TTYH3: variants seen among roughly 807,000 people sequenced by gnomAD.
The protein encoded by TTYH3 is tweety family member 3.
In TTYH3, 23 loss-of-function variants were observed where a neutral mutation model predicts 68.2. The ratio of observed to expected loss-of-function variants is 0.34; its 90% CI spans 0.24 to 0.48. The LOEUF is 0.48. Ranked by LOEUF, TTYH3 falls within the 20% of genes least tolerant of loss-of-function variation. The pLI is 0.99. For synonymous variants in TTYH3, 360 were observed against 332.8 expected, an observed-to-expected ratio of 1.08 and a Z score of -0.89; for missense variants, 768 against 727.7, an observed-to-expected ratio of 1.06 and a Z score of -0.64.
Position 2,639,115 on chromosome 7 carries a change from T to C in TTYH3, c.123+6837T>C, listed in dbSNP as rs183767804. On this transcript the variant is annotated intron_variant, in intron 1 of 13. Coordinates refer to ENST00000258796, the MANE Select transcript of TTYH3 (RefSeq NM_025250.3). The stretch of plus-strand genomic sequence containing the variant: ...CAGCCTCTCAGACACCCCCAAACCT[T>C]GTTGCTTCCTCTGGAGGAGGGGCCT... Among the ~76,000 whole-genome samples the C allele has an allele frequency of 2.6e-3, 398 of 152,188 alleles. 1 individual carries two copies. Among genetic ancestry groups the C allele is most frequent in the African/African-American group, 9.0e-3 (374 of 41,538 alleles).
chr7:2,656,037 C>A, intron 9 of TTYH3, 55 bp from the exon 10 acceptor site: 2 of 1,405,482 alleles, frequency 1.4e-6, no homozygotes, highest in South Asian at 1.3e-5. Context: ...GCGAGGCTGG[C>A]TCGAGGTCCC....
chr7:2,633,929 C>T (rs899711729), intron 1 of TTYH3, among the ~76,000 whole-genome samples: 4 of 152,204 alleles, frequency 2.6e-5, no homozygotes, highest in African/African-American at 9.7e-5. Flanking sequence ...CTGCAGCCCA[C>T]AAGAGCCTCC....
Position 2,647,983 on chromosome 7 carries a change from G to T in TTYH3, c.651G>T (p.Leu217=). ...GGTGGCTGGGCTACCTGGGCCTGCT[G>T]CTGCTGGACGTCATCATCTGCCTCC... ...WYRWLGYLGL[L]LLDVIICLLV... Residue 217 remains leucine (L), a synonymous_variant, in exon 5 of 14, where the codon CTG becomes CTT. Coordinates refer to ENST00000258796, the MANE Select transcript of TTYH3 (RefSeq NM_025250.3). 1 of 1,610,102 alleles carries T rather than the reference G, an allele frequency of 6.2e-7. No homozygotes were observed.
At chr7:2,643,371 A>AAT (rs978430070) in intron 1 of TTYH3, among the ~76,000 whole-genome samples, 5 of 151,670 alleles carry the variant, frequency 3.3e-5, no homozygotes, top group African/African-American at 1.2e-4. Flanking sequence ...AAAAAAAAAA[A>AAT]AATCGTAGAG....
At chr7:2,659,894 T>A (rs764420059) in intron 13 of TTYH3, 3 of 643,848 alleles carry the variant, frequency 4.7e-6, no homozygotes, top group African/African-American at 1.9e-5. Context: ...GGCCACACTC[T>A]CTCTCTCTCT....
Position 2,636,426 on chromosome 7 carries a change from G to T in TTYH3, c.123+4148G>T, listed in dbSNP as rs143566577. ...AGAGCTGTAGGGTGGGTGTCCCTGA[G>T]AACTGGAATCCTATTGCTTTTGACA... On this transcript the variant is annotated intron_variant, in intron 1 of 13. Transcript: ENST00000258796. 2.6e-5 allele frequency among the ~76,000 whole-genome samples: 4 copies of T among 152,174 alleles called. No individual in the cohort carries two copies. In the East Asian group the frequency reaches 7.7e-4, roughly 29 times the overall value.
At chr7:2,653,723 C>T (rs1431075342) in intron 9 of TTYH3, among the ~76,000 whole-genome samples, 5 of 152,158 alleles carry the variant, frequency 3.3e-5, no homozygotes, top group Non-Finnish European at 2.9e-5. Context: ...ATTAGCTGGG[C>T]GTGGTGGTAC....
At chr7:2,638,754 C>T (rs1785748397) in intron 1 of TTYH3, among the ~76,000 whole-genome samples, 1 of 152,234 alleles carries the variant, frequency 6.6e-6, no homozygotes, top group Non-Finnish European at 1.5e-5. Flanking sequence ...CGCTGGGAGC[C>T]TGGGCCGAGT....
intron 8 of TTYH3, among the ~76,000 whole-genome samples, chr7:2,652,565 C>T (rs762749981): frequency 8.5e-5 from 13 of 152,300 alleles, no homozygotes; most frequent in East Asian, 1.9e-4. Flanking sequence ...CGTGTTCAGG[C>T]GTCCTGGTGG....
rs777158501 is a variant in TTYH3 at position 2,647,399 on chromosome 7, G to T, written c.406-19G>T. 3 of 1,472,808 alleles carry T rather than the reference G, an allele frequency of 2.0e-6. No homozygotes were observed. The highest frequency in any genetic ancestry group is 2.7e-6 in the Non-Finnish European group (3 of 1,117,160). 91.2% of individuals were successfully genotyped at this position (1,472,808 alleles called of 1,614,324 possible). A position where few individuals can be genotyped will look rare whatever the true frequency, so the allele number is the denominator to read the frequency against. The stretch of plus-strand genomic sequence containing the variant: ...GAGGCGGGCGCGCTCCCAGCCTCAC[G>T]CCCGCGGGTCCGGCGCAGGTGTGGG... On this transcript the variant is annotated intron_variant, in intron 3 of 13. Coordinates refer to ENST00000258796, the MANE Select transcript of TTYH3 (RefSeq NM_025250.3).
intron 12 of TTYH3, among the ~76,000 whole-genome samples, 156 bp from the exon 13 acceptor site, chr7:2,658,784 C>T (rs1419309935): frequency 2.0e-5 from 3 of 152,166 alleles, no homozygotes; most frequent in African/African-American, 7.2e-5. Flanking sequence ...TGTGGGCCCT[C>T]TCTGAGCCCT....
chr7:2,636,277 AGT>A (rs1211926058), intron 1 of TTYH3, among the ~76,000 whole-genome samples: 3 of 152,318 alleles, frequency 2.0e-5, no homozygotes, highest in East Asian at 3.9e-4. Context: ...TTAAAACGGC[AGT>A]GTTGGTCGCC....
intron 4 of TTYH3, 131 bp from the exon 5 acceptor site, chr7:2,647,828 A>G (rs1410059223): frequency 2.6e-6 from 3 of 1,160,078 alleles, no homozygotes; most frequent in Admixed American, 4.1e-5. Context: ...ACCAGTCCCC[A>G]TGACCCAGAC....
chr7:2,643,222 G>A (rs1414556458), intron 1 of TTYH3, among the ~76,000 whole-genome samples: 3 of 151,568 alleles, frequency 2.0e-5, no homozygotes, highest in Non-Finnish European at 4.4e-5. Context: ...AGGCTTGGTG[G>A]CGGGTGCCTG....
intron 9 of TTYH3, among the ~76,000 whole-genome samples, chr7:2,654,372 G>A (rs770312450): frequency 1.3e-5 from 2 of 152,072 alleles, no homozygotes; most frequent in African/African-American, 4.8e-5. Context: ...CCCAGCCTGG[G>A]CAACAGAGCA....
intron 13 of TTYH3, chr7:2,660,446 G>C (rs1040157510): frequency 1.0e-6 from 1 of 985,332 alleles, no homozygotes; most frequent in African/African-American, 1.7e-5. Context: ...GCGTGCACAC[G>C]GACAGGCACG....
intron 11 of TTYH3, 138 bp from the exon 12 acceptor site, chr7:2,658,148 T>C: frequency 1.2e-6 from 1 of 857,052 alleles, no homozygotes; most frequent in Non-Finnish European, 1.7e-6. Context: ...CTGCCCACAG[T>C]CCCACATGGA....
At position 2,663,129 on chromosome 7, in the gene TTYH3, G is replaced by C. The variant is rs918077371; in HGVS notation, c.*1390G>C. The C allele has an allele frequency of 6.6e-6, 1 of 152,380 alleles. No homozygotes were observed. The highest frequency in any genetic ancestry group is 2.4e-5 in the African/African-American group (1 of 41,450). 9.4% of individuals were successfully genotyped at this position (152,380 alleles called of 1,614,324 possible). On this transcript the variant is annotated 3_prime_UTR_variant, in exon 14 of 14. Coordinates refer to ENST00000258796, the MANE Select transcript of TTYH3 (RefSeq NM_025250.3). ...CAGGATCGGACGTGCTACCCCTCCCGGTCCCGGCCCTGGCCCAGCCAGCCC... is the reference window on the plus strand; with the variant it reads ...CAGGATCGGACGTGCTACCCCTCCCCGTCCCGGCCCTGGCCCAGCCAGCCC...
chr7:2,640,465 G>C (rs1229194758), intron 1 of TTYH3, among the ~76,000 whole-genome samples: 1 of 152,146 alleles, frequency 6.6e-6, no homozygotes, highest in Non-Finnish European at 1.5e-5. Flanking sequence ...CGAGTGGCAT[G>C]CTTCCTCACA....
Sources: gnomAD v4.1 joint callset for allele counts (sites outside exome capture counted in the v4.1 genomes callset) on GRCh38, gnomAD v4.1.1 for gene constraint, MANE v1.5 for transcripts, NCBI Gene and HGNC (gene_info 2026-07-23, HGNC 2026-07-21) for gene names.